EP400: variants seen among roughly 807,000 people sequenced by gnomAD.
EP400 encodes the protein E1A-binding protein p400.
In EP400, 105 loss-of-function variants were observed where a neutral mutation model predicts 354.1. The observed-to-expected ratio is 0.30, with a 90% CI of 0.25 to 0.35. The LOEUF is 0.35. Among genes scored for constraint, EP400 ranks in the 10% least tolerant of loss-of-function variants. The probability of loss-of-function intolerance (pLI) is 1.00; values close to 1 mark genes in which losing one functional copy is unlikely to be tolerated. For synonymous variants in EP400, 1,646 were observed against 1,716.9 expected (o/e 0.96, Z 1.02); for missense variants, 3,280 against 4,121.0 (o/e 0.80, Z 5.59).
chr12:131,951,478 G>A (rs918862026), intron 1 of EP400, among the ~76,000 whole-genome samples: 1 of 152,214 alleles, frequency 6.6e-6, no homozygotes. Flanking sequence ...ACCGCGCCGG[G>A]ACACGTGGAA....
chr12:131,956,192 G>A (rs1378615478), intron 1 of EP400, among the ~76,000 whole-genome samples: 1 of 152,182 alleles, frequency 6.6e-6, no homozygotes, highest in African/African-American at 2.4e-5. Context: ...AGACTCAACT[G>A]TGTTGTGGGT....
chr12:132,050,822 G>A lies in EP400; in HGVS notation c.7394+167G>A. The A allele has an allele frequency of 1.3e-6, 1 of 795,096 alleles. No individual in the cohort carries two copies. 49.3% of individuals were successfully genotyped at this position (795,096 alleles called of 1,614,324 possible). ...GGAGAGAGGTGCTTTTCCTGCCGTG[G>A]GCTAGGGTATGCATAGGACGGCCCC... On this transcript the variant is annotated intron_variant, in intron 41 of 52. Coordinates refer to ENST00000389561, the MANE Select transcript of EP400 (RefSeq NM_015409.5). The surrounding 1 kb of genome is among the most constrained non-coding windows in gnomAD (Gnocchi z 4.8).
chr12:131,964,120 T>C (rs1240511591), intron 2 of EP400, among the ~76,000 whole-genome samples: 1 of 152,246 alleles, frequency 6.6e-6, no homozygotes, highest in African/African-American at 2.4e-5. Flanking sequence ...ATTAAGTGAA[T>C]GCAAACTGAT....
chr12:131,980,978 A>G (rs980924058), intron 3 of EP400, among the ~76,000 whole-genome samples: 9 of 152,256 alleles, frequency 5.9e-5, no homozygotes, highest in African/African-American at 2.2e-4. Context: ...CACTGCCATC[A>G]ACAATTTCTG....
intron 1 of EP400, among the ~76,000 whole-genome samples, chr12:131,956,935 G>A (rs1891721713): frequency 7.4e-6 from 1 of 136,032 alleles, no homozygotes; most frequent in Non-Finnish European, 1.5e-5. Flanking sequence ...GCAGTGGCAA[G>A]CCCTTGGCTC....
chr12:131,981,942 T>G (rs1892694836), intron 4 of EP400, 151 bp from the exon 5 acceptor site: 1 of 1,065,784 alleles, frequency 9.4e-7, no homozygotes, highest in Admixed American at 2.4e-5. Context: ...CTCTCTTTCC[T>G]TTTGTGTGTG....
rs374395493 is a variant in EP400 at position 132,035,307 on chromosome 12, G to A, written c.5952-2375G>A. Among the ~76,000 whole-genome samples, 13 of 152,322 alleles carry A rather than the reference G, an allele frequency of 8.5e-5. 1 individual carries two copies. In the South Asian group the frequency reaches 2.3e-3, roughly 27 times the overall value. ...GGATGTGGGATTGCTATCTAAGGAT[G>A]TGTGTCGCAGCTTTGTCACATGGCA... is the stretch of plus-strand genomic sequence containing the variant. On this transcript the variant is annotated intron_variant, in intron 30 of 52. Transcript: ENST00000389561.
rs1182114612 is a variant in EP400, at chr12:132,027,762, A to G, written c.5109+231A>G. ...TTCTGCAAGTCTTCCTGGGCATTAG[A>G]ATTGCTCACTTGTGTCTTGAGAAAT... On this transcript the variant is annotated intron_variant, in intron 26 of 52. Transcript: ENST00000389561. This position sits in a 1 kb window ranked among gnomAD's most constrained non-coding sequence, Gnocchi z 4.9. Among the ~76,000 whole-genome samples the G allele has an allele frequency of 6.6e-6, 1 of 152,204 alleles. No individual in the cohort carries two copies. Among genetic ancestry groups the G allele is most frequent in the Non-Finnish European group, 1.5e-5 (1 of 68,044 alleles).
At chr12:131,999,532 G>A (rs1484860885) in intron 12 of EP400, among the ~76,000 whole-genome samples, 1 of 152,046 alleles carries the variant, frequency 6.6e-6, no homozygotes, top group Admixed American at 6.6e-5. Context: ...TCCGCCTCCT[G>A]GGTTCAAGCG....
At position 132,023,767 on chromosome 12, in the gene EP400, G is replaced by A. The variant is rs181828925; in HGVS notation, c.4691-10G>A. The A allele has an allele frequency of 2.7e-5, 44 of 1,610,224 alleles. No individual in the cohort carries two copies. In the Admixed American group the frequency reaches 3.6e-4, roughly 13 times the overall value. On this transcript the variant is annotated splice_polypyrimidine_tract_variant and intron_variant, in intron 23 of 52. Coordinates refer to ENST00000389561, the MANE Select transcript of EP400 (RefSeq NM_015409.5). ...GATCTGAATTCACCTTTTCCTCTAC[G>A]TTTCAACAGGTGGAGAGGTAGTGAA... is the stretch of plus-strand genomic sequence containing the variant.
chr12:132,062,394 G>A (rs1190701212), intron 46 of EP400, 71 bp downstream of exon 46: 2 of 1,609,994 alleles, frequency 1.2e-6, no homozygotes. Context: ...GCTGCTGCTT[G>A]CTGTCTGAGA....
chr12:132,045,230 G>C, intron 37 of EP400, 89 bp from the exon 38 acceptor site: 1 of 1,552,774 alleles, frequency 6.4e-7, no homozygotes, highest in Non-Finnish European at 8.7e-7. Context: ...GGCACCTCCA[G>C]ACTTGCCTGA....
chr12:132,046,879 C>A, intron 39 of EP400, among the ~76,000 whole-genome samples: 1 of 152,362 alleles, frequency 6.6e-6, no homozygotes, highest in African/African-American at 2.4e-5. Context: ...TTCCAGGGCA[C>A]GTGCCATGCT....
intron 45 of EP400, among the ~76,000 whole-genome samples, chr12:132,060,803 A>C (rs767426014): frequency 6.6e-6 from 1 of 151,934 alleles, no homozygotes; most frequent in Non-Finnish European, 1.5e-5. Context: ...AATGCCAGCT[A>C]TTCAGGAGGC....
rs1565939005 is a variant in EP400, at chr12:132,078,125, T to G, written c.*452T>G. 6.3e-6 allele frequency: 1 copy of G among 159,258 alleles called. No homozygotes were observed. The highest frequency in any genetic ancestry group is 1.4e-5 in the Non-Finnish European group (1 of 72,182). 9.9% of individuals were successfully genotyped at this position (159,258 alleles called of 1,614,324 possible). On this transcript the variant is annotated 3_prime_UTR_variant, in exon 53 of 53. Coordinates refer to ENST00000389561, the MANE Select transcript of EP400 (RefSeq NM_015409.5). ...TGCCAGAGTTTAGTTCTTTATACCT[T>G]ACTGAAAAATGCCTCGTGGTCTTCG...
rs564022196 is a variant in EP400, at chr12:131,991,291, G to A, written c.2630-116G>A. 2.2e-4 allele frequency: 209 copies of A among 948,536 alleles called. 2 individuals are homozygous for A. In the South Asian group the frequency reaches 2.7e-3, roughly 12 times the overall value. 58.8% of individuals were successfully genotyped at this position (948,536 alleles called of 1,614,324 possible). On this transcript the variant is annotated intron_variant, in intron 9 of 52. Coordinates refer to ENST00000389561, the MANE Select transcript of EP400 (RefSeq NM_015409.5). ...ATGATGATGAGGAGGCAGAACTCAC[G>A]CGTCCTTCCTTTCCCTGCACGTGGG... is the stretch of plus-strand genomic sequence containing the variant.
chr12:132,033,542 C>CT lies in EP400; in HGVS notation c.5951+1408dup, dbSNP rs756242454. The stretch of plus-strand genomic sequence containing the variant: ...CTAAAACCCAAGTGTGCTTTAACCT[C>CT]TTTTTTTTTTTTTTTGAGACGGTCT... On this transcript the variant is annotated intron_variant, in intron 30 of 52. Coordinates refer to ENST00000389561, the MANE Select transcript of EP400 (RefSeq NM_015409.5). 9.9e-3 allele frequency among the ~76,000 whole-genome samples: 1,382 copies of CT among 139,804 alleles called. 33 individuals carry two copies. Among genetic ancestry groups the CT allele is most frequent in the South Asian group, 0.096 (414 of 4,310 alleles). The allele number at this position is 139,804 out of a possible 152,430, so 91.7% of individuals were successfully genotyped here. A position where few individuals can be genotyped will look rare whatever the true frequency, so the allele number is the denominator to read the frequency against.
intron 12 of EP400, 128 bp downstream of exon 12, chr12:131,995,084 G>C (rs1893158738): frequency 2.3e-6 from 2 of 855,420 alleles, no homozygotes; most frequent in African/African-American, 3.4e-5. Context: ...CAGTCCCTGT[G>C]TGCCTCCTGC....
At chr12:132,039,734 A>G (rs537862989) in intron 32 of EP400, among the ~76,000 whole-genome samples, 1 of 152,338 alleles carries the variant, frequency 6.6e-6, no homozygotes, top group African/African-American at 2.4e-5. Flanking sequence ...TGAAAAAGAA[A>G]AACAACACAA....
Sources: allele counts gnomAD v4.1 joint callset (sites outside exome capture counted in the v4.1 genomes callset), GRCh38; gene constraint gnomAD v4.1.1; non-coding constraint Gnocchi (gnomAD v3.1); transcripts MANE v1.5; gene names NCBI Gene and HGNC (gene_info 2026-07-23, HGNC 2026-07-21).